The following DYM variants were observed in gnomAD, a reference collection of about 807,000 sequenced individuals.
DYM encodes the protein dymeclin.
In DYM, 78 loss-of-function variants were observed where a neutral mutation model predicts 93.1. The ratio of observed to expected loss-of-function variants is 0.84; its 90% CI spans 0.70 to 1.01. DYM has a LOEUF of 1.01. Ranked by LOEUF, DYM falls within the 50% of genes least tolerant of loss-of-function variation. DYM has a pLI of 0.00. For synonymous variants in DYM, 321 were observed against 319.7 expected (o/e 1.00, Z -0.04); for missense variants, 789 against 845.0 (o/e 0.93, Z 0.82).
Position 49,282,178 on chromosome 18 carries a change from G to A in DYM, c.947-3C>T. On this transcript the variant is annotated splice_polypyrimidine_tract_variant and splice_region_variant and intron_variant, in intron 9 of 17. Transcript: ENST00000675505. ...TGATGAGGGGAAAGGACTGCTATCTGGAATACAGAAAACAGCACATCAGTA... is the reference window on the plus strand; with the variant it reads ...TGATGAGGGGAAAGGACTGCTATCTAGAATACAGAAAACAGCACATCAGTA... The A allele has an allele frequency of 1.2e-6, 2 of 1,613,180 alleles. No individual in the cohort carries two copies. The highest frequency in any genetic ancestry group is 1.7e-6 in the Non-Finnish European group (2 of 1,179,342).
intron 14 of DYM, among the ~76,000 whole-genome samples, chr18:49,200,093 C>G (rs77827031): frequency 0.01 from 1,523 of 152,110 alleles, 42 homozygotes; most frequent in South Asian, 0.075. Flanking sequence ...TCCTGTAAAC[C>G]ACCGCAGTTC....
intron 6 of DYM, among the ~76,000 whole-genome samples, chr18:49,362,057 G>C (rs2066077471): frequency 6.7e-6 from 1 of 149,882 alleles, no homozygotes; most frequent in South Asian, 2.1e-4. Flanking sequence ...GTAGAGACAG[G>C]GTCTCACTAT....
At chr18:49,074,647 C>A (rs1166421478) in intron 17 of DYM, among the ~76,000 whole-genome samples, 1 of 152,154 alleles carries the variant, frequency 6.6e-6, no homozygotes. Flanking sequence ...TGCTTCATAA[C>A]ATGAAAGCTG....
intron 13 of DYM, among the ~76,000 whole-genome samples, chr18:49,232,692 T>G (rs892288860): frequency 7.3e-6 from 1 of 136,924 alleles, no homozygotes; most frequent in African/African-American, 2.7e-5. Context: ...CACTGCAACC[T>G]CTGCGTCCCG....
intron 17 of DYM, among the ~76,000 whole-genome samples, chr18:49,073,871 T>C (rs2077095567): frequency 6.6e-6 from 1 of 152,208 alleles, no homozygotes; most frequent in South Asian, 2.1e-4. Flanking sequence ...TGACACTGAG[T>C]TGGGTTGTGT....
intron 13 of DYM, among the ~76,000 whole-genome samples, chr18:49,226,194 T>C (rs956786357): frequency 1.3e-5 from 2 of 152,130 alleles, no homozygotes; most frequent in Non-Finnish European, 2.9e-5. Context: ...ATTCCGAGAC[T>C]GAACAGATGA....
rs910364194 is a variant in DYM at position 49,037,938 on chromosome 18, C to A, written c.*6117G>T. 6.6e-6 allele frequency among the ~76,000 whole-genome samples: 1 copy of A among 152,170 alleles called. No individual in the cohort carries two copies. Among genetic ancestry groups the A allele is most frequent in the Non-Finnish European group, 1.5e-5 (1 of 68,034 alleles). On this transcript the variant is annotated 3_prime_UTR_variant, in exon 18 of 18. Coordinates refer to ENST00000675505, the MANE Select transcript of DYM (RefSeq NM_001353214.3). ...CTCCTGGGCACAAGTGATTCTCCTG[C>A]CTCAGCTTCCCAAGTAGCTGGGGCT...
At chr18:49,416,249 G>T (rs1037092180) in intron 2 of DYM, among the ~76,000 whole-genome samples, 1 of 152,178 alleles carries the variant, frequency 6.6e-6, no homozygotes, top group African/African-American at 2.4e-5. Context: ...CATGGTAGGG[G>T]TTATTATTTC....
intron 14 of DYM, among the ~76,000 whole-genome samples, chr18:49,181,123 G>A (rs116471771): frequency 6.0e-4 from 91 of 152,226 alleles, no homozygotes; most frequent in African/African-American, 2.1e-3. Context: ...ATGAAATGCA[G>A]CAAACCATCT....
intron 3 of DYM, among the ~76,000 whole-genome samples, chr18:49,383,563 A>G (rs28650042): frequency 0.039 from 5,904 of 152,336 alleles, 363 homozygotes; most frequent in African/African-American, 0.13. Context: ...ACAAGCATCT[A>G]TAGGATCTAT....
At chr18:49,158,676 ATAAG>A (rs1340070758) in intron 15 of DYM, among the ~76,000 whole-genome samples, 3 of 152,196 alleles carry the variant, frequency 2.0e-5, no homozygotes, top group African/African-American at 4.8e-5. Flanking sequence ...GCTCCCATAA[ATAAG>A]TAAGAACGTG....
intron 17 of DYM, among the ~76,000 whole-genome samples, chr18:49,066,815 G>A (rs2076427870): frequency 6.6e-6 from 1 of 151,808 alleles, no homozygotes; most frequent in Non-Finnish European, 1.5e-5. Context: ...TATTGTTACA[G>A]CTTACAAGGT....
In DYM at chr18:49,349,339, A is replaced by T. The variant is rs376137318; in HGVS notation, c.494+13822T>A. Among the ~76,000 whole-genome samples, 20 of 152,134 alleles carry T rather than the reference A, an allele frequency of 1.3e-4. No homozygotes were observed. The South Asian group carries it at 4.1e-3, about 31-fold the overall frequency. ...TATAGCCATAAATTTTCTTGAAATAAATTAAAGTTCAACACAAAAAAAGTT... is the reference window on the plus strand; with the variant it reads ...TATAGCCATAAATTTTCTTGAAATATATTAAAGTTCAACACAAAAAAAGTT... On this transcript the variant is annotated intron_variant, in intron 6 of 17. Transcript: ENST00000675505.
At chr18:49,087,005 A>T (rs932047509) in intron 17 of DYM, among the ~76,000 whole-genome samples, 14 of 151,976 alleles carry the variant, frequency 9.2e-5, no homozygotes, top group African/African-American at 2.7e-4. Context: ...AAAATAAAAA[A>T]AAAATACATA....
chr18:49,176,563 A>G (rs868798389), intron 14 of DYM, among the ~76,000 whole-genome samples: 1 of 145,932 alleles, frequency 6.9e-6, no homozygotes, highest in Non-Finnish European at 1.5e-5. Context: ...GGCACGTGTC[A>G]CCAAGCCTGG....
intron 14 of DYM, among the ~76,000 whole-genome samples, chr18:49,170,250 A>C (rs1220596665): frequency 2.0e-5 from 3 of 152,156 alleles, no homozygotes; most frequent in African/African-American, 7.2e-5. Context: ...TAAGTGGTGG[A>C]GTCAGGAGTC....
At chr18:49,240,912 G>C (rs2093994788) in intron 13 of DYM, among the ~76,000 whole-genome samples, 1 of 152,184 alleles carries the variant, frequency 6.6e-6, no homozygotes, top group Non-Finnish European at 1.5e-5. Context: ...ATTTCGCCAA[G>C]GACATTTTTC....
At chr18:49,260,237 G>T (rs368127797) in intron 11 of DYM, among the ~76,000 whole-genome samples, 1 of 152,138 alleles carries the variant, frequency 6.6e-6, no homozygotes, top group South Asian at 2.1e-4. Context: ...AAAATTAGCC[G>T]GGTGTAGTAG....
In DYM at chr18:49,038,940, A is replaced by C. The variant is rs2070804608; in HGVS notation, c.*5115T>G. On this transcript the variant is annotated 3_prime_UTR_variant, in exon 18 of 18. Transcript: ENST00000675505. ...TCATTTTCATACATTTTATTTCTCT[A>C]TATATTTAAAACTCCATAAGACATA... Among the ~76,000 whole-genome samples, 3 of 152,200 alleles carry C rather than the reference A, an allele frequency of 2.0e-5. No individual in the cohort carries two copies. The South Asian group carries it at 6.2e-4, about 32-fold the overall frequency.
Sources: allele counts gnomAD v4.1 joint callset (sites outside exome capture counted in the v4.1 genomes callset), GRCh38; gene constraint gnomAD v4.1.1; transcripts MANE v1.5; gene names NCBI Gene and HGNC (gene_info 2026-07-23, HGNC 2026-07-21).